The following AK2 variants were observed in gnomAD, a reference collection of about 807,000 sequenced individuals.
The protein encoded by AK2 is adenylate kinase 2, mitochondrial.
AK2 carries 15 observed loss-of-function variants against 24.6 expected under a neutral mutation model. The observed-to-expected ratio is 0.61, with a 90% CI of 0.41 to 0.94. AK2 has a LOEUF of 0.94. Ranked by LOEUF, AK2 falls within the 40% of genes least tolerant of loss-of-function variation. The pLI is 0.00. For missense variants in AK2, 257 were observed against 304.1 expected (o/e 0.85, Z 1.15); for synonymous variants, 102 against 114.0 (o/e 0.90, Z 0.67).
intron 1 of AK2, among the ~76,000 whole-genome samples, chr1:33,034,411 C>T (rs1640441172): frequency 6.6e-6 from 1 of 151,236 alleles, no homozygotes; most frequent in Admixed American, 6.6e-5. Flanking sequence ...TGAGTACCTA[C>T]TATATAGCAG....
rs1424533155 is a variant in AK2, at chr1:33,012,078, G to A, written c.*1103C>T. The A allele has an allele frequency of 6.5e-7, 1 of 1,535,398 alleles. No homozygotes were observed. Among genetic ancestry groups the A allele is most frequent in the Non-Finnish European group, 8.7e-7 (1 of 1,146,724 alleles). On this transcript the variant is annotated 3_prime_UTR_variant, in exon 6 of 6. Transcript: ENST00000672715. ...AATAAAAGCAAATAAACCTACCCTG[G>A]TCTCTTTTTGGGGAAGTAGATTTGA...
intron 4 of AK2, chr1:33,019,721 A>T (rs1639412625): frequency 1.9e-6 from 2 of 1,038,018 alleles, no homozygotes; most frequent in Admixed American, 5.4e-5. Context: ...AATCAAAGTA[A>T]TAATGTCTGA....
chr1:33,036,079 G>A (rs554939225), intron 1 of AK2, among the ~76,000 whole-genome samples: 128 of 152,236 alleles, frequency 8.4e-4, no homozygotes, highest in Middle Eastern at 6.8e-3. Context: ...GGTCCCATGA[G>A]CACTCCCAAC....
chr1:33,033,275 T>C (rs1640363087), intron 1 of AK2, among the ~76,000 whole-genome samples: 1 of 152,222 alleles, frequency 6.6e-6, no homozygotes, highest in Non-Finnish European at 1.5e-5. Flanking sequence ...CACATGCCTG[T>C]AGTCCCAGCT....
Position 33,010,500 on chromosome 1 carries a change from C to T in AK2, c.*2681G>A. ...AAAAGCTGAGGTCTTAGAGCACTGGCTTTAAAAAATATTTTCACCAGTCCA... is the reference window on the plus strand; with the variant it reads ...AAAAGCTGAGGTCTTAGAGCACTGGTTTTAAAAAATATTTTCACCAGTCCA... On this transcript the variant is annotated 3_prime_UTR_variant, in exon 6 of 6. Coordinates refer to ENST00000672715, the MANE Select transcript of AK2 (RefSeq NM_001625.4). The T allele has an allele frequency of 1.5e-6, 1 of 661,604 alleles. No individual in the cohort carries two copies. Among genetic ancestry groups the T allele is most frequent in the South Asian group, 1.5e-5 (1 of 66,622 alleles). 41.0% of individuals were successfully genotyped at this position (661,604 alleles called of 1,614,324 possible).
At chr1:33,020,007 G>A in intron 4 of AK2, 1 of 1,510,406 alleles carries the variant, frequency 6.6e-7, no homozygotes, top group Non-Finnish European at 8.8e-7. Context: ...GGAATGGAGG[G>A]TCCATTTGCA....
rs1638820398 is a variant in AK2, at chr1:33,011,549, G to A, written c.*1632C>T. ...TGGTAGTCTCACAGATGGCAGGAGAGCTCAGGTCAGGAGGCTGGGCACTTT... is the reference window on the plus strand; with the variant it reads ...TGGTAGTCTCACAGATGGCAGGAGAACTCAGGTCAGGAGGCTGGGCACTTT... On this transcript the variant is annotated 3_prime_UTR_variant, in exon 6 of 6. Transcript: ENST00000672715. 1.6e-6 allele frequency: 2 copies of A among 1,287,508 alleles called. No homozygotes were observed. The highest frequency in any genetic ancestry group is 1.5e-5 in the African/African-American group (1 of 65,816). 79.8% of individuals were successfully genotyped at this position (1,287,508 alleles called of 1,614,324 possible).
At chr1:33,028,975 C>T (rs1175313768) in intron 1 of AK2, among the ~76,000 whole-genome samples, 2 of 152,134 alleles carry the variant, frequency 1.3e-5, no homozygotes, top group Admixed American at 6.6e-5. Flanking sequence ...CGGGCTCTAC[C>T]GTTTATTCAC....
intron 1 of AK2, among the ~76,000 whole-genome samples, chr1:33,035,014 C>T (rs576638532): frequency 6.6e-6 from 1 of 151,872 alleles, no homozygotes; most frequent in South Asian, 2.1e-4. Flanking sequence ...AGAGTGAGAC[C>T]CTGTCTCAAA....
chr1:33,020,205 AC>A, intron 4 of AK2: 1 of 1,267,606 alleles, frequency 7.9e-7, no homozygotes, highest in Non-Finnish European at 1.1e-6. Context: ...ACACACACAC[AC>A]ACACACACAC....
chr1:33,008,406 G>T lies in AK2; in HGVS notation c.*4775C>A, dbSNP rs996910561. 2.2e-6 allele frequency: 1 copy of T among 454,128 alleles called. No homozygotes were observed. The highest frequency in any genetic ancestry group is 4.4e-6 in the Non-Finnish European group (1 of 226,804). The allele number at this position is 454,128 out of a possible 1,614,324, so 28.1% of individuals were successfully genotyped here. A position where few individuals can be genotyped will look rare whatever the true frequency, so the allele number is the denominator to read the frequency against. ...CTCTCCATCCTGCTGTGTTCTGTCA[G>T]TGACACTTTGTGCACACAGGAGATC... On this transcript the variant is annotated 3_prime_UTR_variant, in exon 6 of 6. Transcript: ENST00000672715.
At position 33,036,857 on chromosome 1, in the gene AK2, T is replaced by G; in HGVS notation, c.-29A>C. ...CGCCGAAGTCTCTCACTGCCACCAG[T>G]TCGCACGCCTCACAGGTCCAGTGCT... On this transcript the variant is annotated 5_prime_UTR_variant, in exon 1 of 6. Transcript: ENST00000672715. 1 of 1,555,058 alleles carries G rather than the reference T, an allele frequency of 6.4e-7. No individual in the cohort carries two copies. The highest frequency in any genetic ancestry group is 8.7e-7 in the Non-Finnish European group (1 of 1,146,010).
intron 1 of AK2, among the ~76,000 whole-genome samples, chr1:33,028,072 C>A (rs956383607): frequency 6.6e-6 from 1 of 152,192 alleles, no homozygotes; most frequent in African/African-American, 2.4e-5. Context: ...CTTCCATGGT[C>A]TTTCTTCTTT....
intron 4 of AK2, chr1:33,019,830 C>A (rs892412587): frequency 1.7e-6 from 2 of 1,172,882 alleles, no homozygotes; most frequent in South Asian, 3.0e-5. Flanking sequence ...CATAAATGTA[C>A]AACAATAAGG....
chr1:33,011,986 C>A lies in AK2; in HGVS notation c.*1195G>T. 1.3e-6 allele frequency: 2 copies of A among 1,534,966 alleles called. No homozygotes were observed. Among genetic ancestry groups the A allele is most frequent in the South Asian group, 2.4e-5 (2 of 83,860 alleles). Reference sequence around the variant, plus strand: ...AGACTGGGTTTGAATAAATACTGATCAAAATGAATCCAAGAATAGATCACA... The same window carrying A: ...AGACTGGGTTTGAATAAATACTGATAAAAATGAATCCAAGAATAGATCACA... On this transcript the variant is annotated 3_prime_UTR_variant, in exon 6 of 6. Transcript: ENST00000672715.
At chr1:33,034,489 T>C (rs74064949) in intron 1 of AK2, among the ~76,000 whole-genome samples, 2,552 of 130,512 alleles carry the variant, frequency 0.02, 84 homozygotes, top group East Asian at 0.15. Context: ...CACACACACA[T>C]ATATCATAAT....
Position 33,013,208 on chromosome 1 carries a change from T to G in AK2, c.693A>C (p.Thr231=). 1 of 1,614,132 alleles carries G rather than the reference T, an allele frequency of 6.2e-7. No individual in the cohort carries two copies. Among genetic ancestry groups the G allele is most frequent in the African/African-American group, 1.3e-5 (1 of 75,044 alleles). The change falls in exon 6 of 6, where the codon ACA becomes ACC. Residue 231 remains threonine, a synonymous_variant. Coordinates refer to ENST00000672715, the MANE Select transcript of AK2 (RefSeq NM_001625.4). ...AGATAAACATAACCAAGTCTTTACA[T>G]GTGGCTTTGGAGAAGGCTGCTAGGA... is the stretch of plus-strand genomic sequence containing the variant. The part of the protein sequence containing the change: ...ASILAAFSKA[T]CKDLVMFI
chr1:33,026,590 C>CTGG (rs1263601150), intron 1 of AK2, among the ~76,000 whole-genome samples: 1 of 151,682 alleles, frequency 6.6e-6, no homozygotes, highest in Non-Finnish European at 1.5e-5. Flanking sequence ...GGGTGGATCA[C>CTGG]AAGGTCAGGA....
At chr1:33,021,505 T>C (rs1381116581) in intron 3 of AK2, 44 bp from the exon 4 acceptor site, 13 of 1,606,606 alleles carry the variant, frequency 8.1e-6, no homozygotes, top group Non-Finnish European at 1.1e-5. Flanking sequence ...AGAGCTTGGT[T>C]AGACCCATCT....
Sources: allele counts gnomAD v4.1 joint callset (sites outside exome capture counted in the v4.1 genomes callset), GRCh38; gene constraint gnomAD v4.1.1; transcripts MANE v1.5; gene names NCBI Gene and HGNC (gene_info 2026-07-23, HGNC 2026-07-21).